Variants in TTBK1 observed in about 807,000 individuals in gnomAD.
TTBK1 encodes tau-tubulin kinase 1.
Under a neutral mutation model 108.5 loss-of-function variants are expected in TTBK1, and 34 were observed. The ratio of observed to expected loss-of-function variants is 0.31; its 90% CI spans 0.24 to 0.42. The LOEUF (loss-of-function observed/expected upper bound fraction) is 0.42. Among genes scored for constraint, TTBK1 ranks in the 10% least tolerant of loss-of-function variants. The pLI, the probability that TTBK1 is intolerant of heterozygous loss-of-function variation, is 1.00. For synonymous variants in TTBK1, 809 were observed against 795.1 expected, an observed-to-expected ratio of 1.02 and a Z score of -0.29; for missense variants, 1,539 against 1,826.0, an observed-to-expected ratio of 0.84 and a Z score of 2.86.
intron 13 of TTBK1, chr6:43,271,866 G>GGCCCCCC: frequency 3.1e-6 from 3 of 979,690 alleles, no homozygotes; most frequent in African/African-American, 1.8e-5. Context: ...TAATACTTGT[G>GGCCCCCC]CCCCACCCCC....
rs371064493 is a variant in TTBK1, at chr6:43,282,981, G to A, written c.2241G>A (p.Glu747=). ...EEEEDEEEEE[E]DEEEEEEEEE... ...AGGAAGATGAGGAAGAGGAAGAAGA[G>A]GATGAGGAAGAAGAAGAGGAGGAAG... The change falls in exon 14 of 15, where the codon GAG becomes GAA. Residue 747 remains glutamate, a synonymous_variant. Coordinates refer to ENST00000259750, the MANE Select transcript of TTBK1 (RefSeq NM_032538.3). This position sits in a 1 kb window ranked among gnomAD's most constrained non-coding sequence, Gnocchi z 5.4. The A allele has an allele frequency of 1.2e-5, 19 of 1,595,780 alleles. No homozygotes were observed. Among genetic ancestry groups the A allele is most frequent in the Non-Finnish European group, 1.6e-5 (19 of 1,171,686 alleles).
chr6:43,284,686 A>G (rs1338028056), intron 14 of TTBK1, among the ~76,000 whole-genome samples: 2 of 152,228 alleles, frequency 1.3e-5, no homozygotes, highest in Non-Finnish European at 1.5e-5. Flanking sequence ...TAATATAAAC[A>G]TAGGTATATT....
In TTBK1 at chr6:43,263,307, G is replaced by C. The variant is rs561976040; in HGVS notation, c.1943G>C (p.Arg648Pro). 2 of 1,485,060 alleles carry C rather than the reference G, an allele frequency of 1.3e-6. No homozygotes were observed. The highest frequency in any genetic ancestry group is 1.4e-5 in the South Asian group (1 of 73,866). 92.0% of individuals were successfully genotyped at this position (1,485,060 alleles called of 1,614,324 possible). A position where few individuals can be genotyped will look rare whatever the true frequency, so the allele number is the denominator to read the frequency against. Reference sequence around the variant, plus strand: ...CACTCACCCCTGCACTCGGGACCCCGCCCTCGACGGAGAGAGTCGGACCCC... The same window carrying C: ...CACTCACCCCTGCACTCGGGACCCCCCCCTCGACGGAGAGAGTCGGACCCC... ...PSHSPLHSGP[R>P]PRRRESDPTG... is the part of the protein sequence containing the mutation. The change falls in exon 13 of 15, where the codon CGC becomes CCC. Residue 648 changes from arginine to proline, a missense_variant. Transcript: ENST00000259750. The surrounding 1 kb of genome is among the most constrained non-coding windows in gnomAD (Gnocchi z 4.7).
chr6:43,246,210 A>G (rs77121071), intron 1 of TTBK1, among the ~76,000 whole-genome samples: 3,768 of 152,198 alleles, frequency 0.025, 178 homozygotes, highest in African/African-American at 0.086. Context: ...GCACAGCTCC[A>G]TGGACATTTT....
At chr6:43,272,131 T>G in intron 13 of TTBK1, 2 of 985,420 alleles carry the variant, frequency 2.0e-6, no homozygotes, top group Non-Finnish European at 2.4e-6. Context: ...CCCCAGGTAG[T>G]GGCAGGAGGT....
intron 9 of TTBK1, among the ~76,000 whole-genome samples, chr6:43,256,283 G>A (rs1295867155): frequency 5.3e-5 from 8 of 151,974 alleles, no homozygotes; most frequent in African/African-American, 1.4e-4. Context: ...CTACAGGCAC[G>A]TGCCACCATG....
intron 2 of TTBK1, among the ~76,000 whole-genome samples, chr6:43,250,438 C>A (rs1252261355): frequency 2.7e-5 from 4 of 150,580 alleles, no homozygotes; most frequent in Admixed American, 2.0e-4. Context: ...CTCACTGCAG[C>A]CTCCGCCTCC....
rs1411274732 is a variant in TTBK1 at position 43,257,919 on chromosome 6, C to G, written c.969C>G (p.Thr323=). ...CCGATGCCCTCCTGTCCACGAGCAC[C>G]TCTACCCCGCCCCAGCAGAACACCC... ...AGTDALLSTS[T]STPPQQNTRQ... The change falls in exon 10 of 15, where the codon ACC becomes ACG. Residue 323 remains threonine, a synonymous_variant. Coordinates refer to ENST00000259750, the MANE Select transcript of TTBK1 (RefSeq NM_032538.3). The surrounding 1 kb of genome is among the most constrained non-coding windows in gnomAD (Gnocchi z 4.5). 6.2e-7 allele frequency: 1 copy of G among 1,613,878 alleles called. No homozygotes were observed. The highest frequency in any genetic ancestry group is 1.3e-5 in the African/African-American group (1 of 74,988).
intron 9 of TTBK1, among the ~76,000 whole-genome samples, chr6:43,256,870 G>C (rs936362789): frequency 7.2e-5 from 11 of 152,190 alleles, no homozygotes; most frequent in Non-Finnish European, 1.6e-4. Flanking sequence ...CAATATAGTG[G>C]TTAGGAGCAG....
At position 43,284,119 on chromosome 6, in the gene TTBK1, A is replaced by ACGGGCTCTGAGGAGGACACGC; in HGVS notation, c.3381_3401dup (p.Gly1128_Pro1134dup). ...CCGTGCCTCTGAGACCCTCTCAGGC[A>ACGGGCTCTGAGGAGGACACGC]CGGGCTCTGAGGAGGACACGCCCGC... On this transcript the variant is annotated inframe_insertion, in exon 14 of 15. Transcript: ENST00000259750. 3 of 1,539,672 alleles carry ACGGGCTCTGAGGAGGACACGC rather than the reference A, an allele frequency of 1.9e-6. No individual in the cohort carries two copies. Among genetic ancestry groups the ACGGGCTCTGAGGAGGACACGC allele is most frequent in the Non-Finnish European group, 2.6e-6 (3 of 1,147,296 alleles).
intron 13 of TTBK1, among the ~76,000 whole-genome samples, chr6:43,278,276 G>A (rs1277415759): frequency 6.6e-6 from 1 of 152,194 alleles, no homozygotes; most frequent in Admixed American, 6.5e-5. Flanking sequence ...GAGTAAACAT[G>A]GACTTGGGCT....
intron 2 of TTBK1, among the ~76,000 whole-genome samples, chr6:43,248,528 G>A (rs1777158774): frequency 6.6e-6 from 1 of 152,198 alleles, no homozygotes; most frequent in African/African-American, 2.4e-5. Flanking sequence ...TTCGAGACCA[G>A]GCTGGCCAAC....
rs143865481 is a variant in TTBK1 at position 43,255,829 on chromosome 6, C to G, written c.834C>G (p.Leu278=). Residue 278 remains leucine (L), a synonymous_variant, in exon 9 of 15, where the codon CTC becomes CTG. Coordinates refer to ENST00000259750, the MANE Select transcript of TTBK1 (RefSeq NM_032538.3). ...FHLFLDHIAS[L]DYFTKPDYQL... Reference sequence around the variant, plus strand: ...TCTTCCTGGACCACATTGCCAGCCTCGACTACTTCACCAAGCCCGACTACC... The same window carrying G: ...TCTTCCTGGACCACATTGCCAGCCTGGACTACTTCACCAAGCCCGACTACC... 36 of 1,613,984 alleles carry G rather than the reference C, an allele frequency of 2.2e-5. No homozygotes were observed. The highest frequency in any genetic ancestry group is 3.0e-5 in the Non-Finnish European group (35 of 1,180,006).
chr6:43,264,805 T>G (rs1777634336), intron 13 of TTBK1, among the ~76,000 whole-genome samples: 1 of 149,518 alleles, frequency 6.7e-6, no homozygotes, highest in African/African-American at 2.5e-5. Context: ...TGGGGAGGAG[T>G]GGAGCCAAGG....
At chr6:43,250,641 G>A (rs2150683180) in intron 2 of TTBK1, among the ~76,000 whole-genome samples, 1 of 152,262 alleles carries the variant, frequency 6.6e-6, no homozygotes, top group African/African-American at 2.4e-5. Flanking sequence ...TTACAGGCGG[G>A]AGCCACCGCG....
chr6:43,284,293 G>A lies in TTBK1; in HGVS notation c.3553G>A (p.Asp1185Asn). The A allele has an allele frequency of 1.3e-6, 2 of 1,575,440 alleles. No individual in the cohort carries two copies. The highest frequency in any genetic ancestry group is 1.3e-5 in the African/African-American group (1 of 74,536). ...ATCCCATGGCGCGGCCCCAGCATTG[G>A]ACACAGCCATCACCAGCAGGTGAGA... is the stretch of plus-strand genomic sequence containing the variant. ...SRSHGAAPAL[D>N]TAITSRLQLQ... Residue 1185 changes from aspartate to asparagine, a missense_variant, in exon 14 of 15, where the codon GAC (aspartate) becomes AAC (asparagine). Transcript: ENST00000259750.
rs1455033270 is a variant in TTBK1 at position 43,265,171 on chromosome 6, G to A, written c.1986+1821G>A. Among the ~76,000 whole-genome samples the A allele has an allele frequency of 2.0e-5, 3 of 152,174 alleles. No individual in the cohort carries two copies. Among genetic ancestry groups the A allele is most frequent in the Non-Finnish European group, 2.9e-5 (2 of 68,036 alleles). ...CCGGAAGGGGCTCAGGGGCTGTGCCGCGTTCCACATAGTGGTCCCACATTG... is the reference window on the plus strand; with the variant it reads ...CCGGAAGGGGCTCAGGGGCTGTGCCACGTTCCACATAGTGGTCCCACATTG... On this transcript the variant is annotated intron_variant, in intron 13 of 14. Coordinates refer to ENST00000259750, the MANE Select transcript of TTBK1 (RefSeq NM_032538.3). The surrounding 1 kb of genome is among the most constrained non-coding windows in gnomAD (Gnocchi z 4.1).
At chr6:43,255,259 CCCTCTGTGGCAGACTCAGTGTCCCCTT>C in intron 7 of TTBK1, 145 bp downstream of exon 7, 1 of 786,208 alleles carries the variant, frequency 1.3e-6, no homozygotes, top group Non-Finnish European at 2.1e-6. Context: ...GGAGGAAGGC[CCCTCTGTGGCAGACTCAGTGTCCCCTT>C]CCTCATTTGT....
chr6:43,285,610 T>A lies in TTBK1; in HGVS notation c.*234T>A. The A allele has an allele frequency of 5.4e-6, 2 of 369,566 alleles. No homozygotes were observed. The highest frequency in any genetic ancestry group is 4.5e-6 in the Non-Finnish European group (1 of 220,402). 22.9% of individuals were successfully genotyped at this position (369,566 alleles called of 1,614,324 possible). A position where few individuals can be genotyped will look rare whatever the true frequency, so the allele number is the denominator to read the frequency against. On this transcript the variant is annotated 3_prime_UTR_variant, in exon 15 of 15. Transcript: ENST00000259750. The surrounding 1 kb of genome is among the most constrained non-coding windows in gnomAD (Gnocchi z 4.7). ...GCGGGGAGGGTCTGCCTCCCCTTCC[T>A]CGCCCTGTGTCCTCTCATCCTCCCG...
Sources: gnomAD v4.1 joint callset for allele counts (sites outside exome capture counted in the v4.1 genomes callset) on GRCh38, gnomAD v4.1.1 for gene constraint, Gnocchi (gnomAD v3.1) non-coding constraint, MANE v1.5 for transcripts, NCBI Gene and HGNC (gene_info 2026-07-23, HGNC 2026-07-21) for gene names.